ADAM2: variants seen among roughly 807,000 people sequenced by gnomAD.
The protein encoded by ADAM2 is ADAM metallopeptidase domain 2, also known as disintegrin and metalloproteinase domain-containing protein 2.
A neutral mutation model predicts 99.3 loss-of-function variants in ADAM2; 101 were observed. The ratio of observed to expected loss-of-function variants is 1.02; its 90% confidence interval spans 0.87 to 1.20. The LOEUF (loss-of-function observed/expected upper bound fraction) is 1.20. Ranked by LOEUF, ADAM2 falls within the 50% of genes most tolerant of loss-of-function variation. ADAM2 has a pLI of 0.00. For synonymous variants in ADAM2, 323 were observed against 287.6 expected (o/e 1.12, Z -1.25); for missense variants, 948 against 878.7 (o/e 1.08, Z -1.00).
chr8:39,821,490 C>A, intron 5 of ADAM2, 96 bp downstream of exon 5: 1 of 957,138 alleles, frequency 1.0e-6, no homozygotes, highest in Non-Finnish European at 1.6e-6. Context: ...AATAGTCATG[C>A]CACACTTTAG....
intron 7 of ADAM2, among the ~76,000 whole-genome samples, chr8:39,795,486 T>C (rs778389342): frequency 1.4e-4 from 22 of 152,174 alleles, no homozygotes; most frequent in Non-Finnish European, 2.9e-4. Context: ...AAACCAGACA[T>C]TTCTTTCTAT....
chr8:39,770,372 C>G (rs2122992), intron 11 of ADAM2, among the ~76,000 whole-genome samples: 71,387 of 152,066 alleles, frequency 0.47, 17,105 homozygotes, highest in South Asian at 0.67. Context: ...CACCTGAACT[C>G]AAGTCCAGAG....
chr8:39,763,069 C>T (rs981854383), intron 14 of ADAM2, among the ~76,000 whole-genome samples: 4 of 152,112 alleles, frequency 2.6e-5, no homozygotes, highest in African/African-American at 4.8e-5. Flanking sequence ...GTCACATCTC[C>T]GTTGGAGCTC....
chr8:39,780,876 T>G, intron 10 of ADAM2, among the ~76,000 whole-genome samples: 1 of 152,178 alleles, frequency 6.6e-6, no homozygotes, highest in East Asian at 1.9e-4. Flanking sequence ...TACAAATGGG[T>G]TTGAAACTTG....
At chr8:39,808,189 T>TAC (rs144114156) in intron 7 of ADAM2, among the ~76,000 whole-genome samples, 41,486 of 145,708 alleles carry the variant, frequency 0.28, 5,977 homozygotes, top group Non-Finnish European at 0.34. Context: ...TCCTAAGGAA[T>TAC]ACACACACAC....
intron 14 of ADAM2, among the ~76,000 whole-genome samples, chr8:39,764,739 C>T (rs928035949): frequency 1.2e-4 from 18 of 152,042 alleles, no homozygotes; most frequent in South Asian, 2.1e-4. Context: ...ACAGGCCAGG[C>T]GCAGTGGCTC....
At position 39,795,726 on chromosome 8, in the gene ADAM2, C is replaced by A. The variant is rs1265244360; in HGVS notation, c.571-6986G>T. Reference sequence around the variant, plus strand: ...GACTGTGTTAAGGGCATGTTCTTAACCTTGGCAAAACAAACTTTCTAAATT... The same window carrying A: ...GACTGTGTTAAGGGCATGTTCTTAAACTTGGCAAAACAAACTTTCTAAATT... On this transcript the variant is annotated intron_variant, in intron 7 of 20. Coordinates refer to ENST00000265708, the MANE Select transcript of ADAM2 (RefSeq NM_001464.5). 1.6e-4 allele frequency among the ~76,000 whole-genome samples: 24 copies of A among 152,236 alleles called. 1 individual carries two copies. The South Asian group carries it at 3.9e-3, about 25-fold the overall frequency.
intron 7 of ADAM2, among the ~76,000 whole-genome samples, chr8:39,790,033 C>T (rs1379765243): frequency 6.6e-6 from 1 of 151,940 alleles, no homozygotes; most frequent in Middle Eastern, 3.4e-3. Flanking sequence ...AAAAGACACA[C>T]ATTAACAAGT....
At chr8:39,760,264 A>G (rs1359442244) in intron 15 of ADAM2, among the ~76,000 whole-genome samples, 2 of 152,194 alleles carry the variant, frequency 1.3e-5, no homozygotes, top group African/African-American at 4.8e-5. Context: ...TTTTTCATAC[A>G]GCGTCTATGT....
At chr8:39,759,895 C>CT (rs1018082500) in intron 15 of ADAM2, among the ~76,000 whole-genome samples, 4 of 152,072 alleles carry the variant, frequency 2.6e-5, no homozygotes, top group African/African-American at 9.7e-5. Flanking sequence ...GAGGTGGAGT[C>CT]TCGCTCTGTC....
At chr8:39,786,138 AGAAACCAG>A (rs1483053380) in intron 10 of ADAM2, among the ~76,000 whole-genome samples, 8 of 152,150 alleles carry the variant, frequency 5.3e-5, no homozygotes, top group Non-Finnish European at 1.0e-4. Flanking sequence ...TGGTAACACT[AGAAACCAG>A]GAACTACCGG....
chr8:39,837,859 A>G (rs1029889450), intron 1 of ADAM2, among the ~76,000 whole-genome samples: 3 of 152,136 alleles, frequency 2.0e-5, no homozygotes, highest in African/African-American at 7.2e-5. Context: ...TGAAAAATGC[A>G]AAGCAGGATC....
intron 11 of ADAM2, among the ~76,000 whole-genome samples, chr8:39,772,567 A>C (rs1386119365): frequency 6.6e-6 from 1 of 152,084 alleles, no homozygotes; most frequent in Non-Finnish European, 1.5e-5. Context: ...GTAATTTCTC[A>C]AAATAAACTT....
At chr8:39,780,361 A>G (rs1803167318) in intron 10 of ADAM2, among the ~76,000 whole-genome samples, 1 of 152,152 alleles carries the variant, frequency 6.6e-6, no homozygotes, top group Non-Finnish European at 1.5e-5. Context: ...AGAGCATTTG[A>G]GAAGCTAGGA....
At chr8:39,821,802 T>C (rs1805200179) in intron 4 of ADAM2, 140 bp from the exon 5 acceptor site, 6 of 604,538 alleles carry the variant, frequency 9.9e-6, no homozygotes, top group Non-Finnish European at 1.4e-5. Flanking sequence ...TGTTATTAGA[T>C]GAGCATATGG....
At chr8:39,794,596 G>C (rs1803860570) in intron 7 of ADAM2, among the ~76,000 whole-genome samples, 1 of 152,076 alleles carries the variant, frequency 6.6e-6, no homozygotes, top group Non-Finnish European at 1.5e-5. Flanking sequence ...AACTGGTTAT[G>C]TTATCTATAG....
chr8:39,812,814 C>A (rs994150438), intron 6 of ADAM2, among the ~76,000 whole-genome samples: 2 of 152,010 alleles, frequency 1.3e-5, no homozygotes, highest in Non-Finnish European at 2.9e-5. Flanking sequence ...ACCATGAAAA[C>A]CCTAGAAGAA....
intron 15 of ADAM2, among the ~76,000 whole-genome samples, chr8:39,757,400 A>G (rs1482183606): frequency 6.6e-6 from 1 of 152,196 alleles, no homozygotes; most frequent in Non-Finnish European, 1.5e-5. Flanking sequence ...TATTCTGTAG[A>G]TGTGGCTTTG....
chr8:39,749,564 GGT>G (rs368362038), intron 17 of ADAM2, 101 bp downstream of exon 17: 13,657 of 1,094,218 alleles, frequency 0.012, no homozygotes, highest in Admixed American at 0.016. Flanking sequence ...TATATGTTTT[GGT>G]GTGTGTGTGT....
Sources: allele counts gnomAD v4.1 joint callset (sites outside exome capture counted in the v4.1 genomes callset), GRCh38; gene constraint gnomAD v4.1.1; transcripts MANE v1.5; gene names NCBI Gene and HGNC (gene_info 2026-07-23, HGNC 2026-07-21).